The following IL1RAPL1 variants were observed in gnomAD, a reference collection of about 807,000 sequenced individuals.
IL1RAPL1 encodes the protein interleukin-1 receptor accessory protein-like 1.
Under a neutral mutation model 48.4 loss-of-function variants are expected in IL1RAPL1, and 3 were observed. The observed-to-expected ratio is 0.06, with a 90% CI of 0.03 to 0.16. The LOEUF (loss-of-function observed/expected upper bound fraction) is 0.16. Among genes scored for constraint, IL1RAPL1 ranks in the 10% least tolerant of loss-of-function variants. The pLI, the probability that IL1RAPL1 is intolerant of heterozygous loss-of-function variation, is 1.00. For synonymous variants in IL1RAPL1, 185 were observed against 187.7 expected (o/e 0.99, Z 0.12); for missense variants, 349 against 530.6 (o/e 0.66, Z 3.36).
At chrX:29,900,341 A>ATATT (rs1361865487) in intron 6 of IL1RAPL1, among the ~76,000 whole-genome samples, 2 of 112,538 alleles carry the variant, frequency 1.8e-5, no homozygotes, top group Non-Finnish European at 3.7e-5. Context: ...ATTACAATTT[A>ATATT]TATTTTTAAA....
At chrX:29,146,956 TC>T (rs777972157) in intron 2 of IL1RAPL1, among the ~76,000 whole-genome samples, 20 of 112,483 alleles carry the variant, frequency 1.8e-4, no homozygotes, top group Non-Finnish European at 3.4e-4. Context: ...CCTATCATCT[TC>T]AGTTCTACTT....
chrX:29,178,788 G>A (rs1306518347), intron 2 of IL1RAPL1, among the ~76,000 whole-genome samples: 2 of 111,788 alleles, frequency 1.8e-5, no homozygotes, highest in Non-Finnish European at 3.8e-5. Flanking sequence ...TGTAAGGAAG[G>A]GATCCAGTTT....
rs779743451 is a variant in IL1RAPL1, at chrX:29,928,855, C to T, written c.1057+8761C>T. Among the ~76,000 whole-genome samples the T allele has an allele frequency of 1.7e-4, 19 of 111,558 alleles. No homozygotes were observed. In the South Asian group the frequency reaches 3.0e-3, roughly 18 times the overall value. On this transcript the variant is annotated intron_variant, in intron 8 of 10. Transcript: ENST00000378993. ...CAGTAAAGTGAGAAATTAGACATGA[C>T]GCATACAAAAATGCTAACTACTATC...
At chrX:29,175,128 TCTTAA>T (rs1317685555) in intron 2 of IL1RAPL1, among the ~76,000 whole-genome samples, 8 of 100,278 alleles carry the variant, frequency 8.0e-5, no homozygotes, top group Non-Finnish European at 1.6e-4. Flanking sequence ...GATCCAGGAG[TCTTAA>T]CTTTGTATAC....
At chrX:29,278,939 G>A (rs2147597393) in intron 2 of IL1RAPL1, among the ~76,000 whole-genome samples, 1 of 112,173 alleles carries the variant, frequency 8.9e-6, no homozygotes, top group South Asian at 3.7e-4. Context: ...ACGTATTTGG[G>A]GATGAAATAT....
At chrX:29,317,746 T>A (rs1375589585) in intron 3 of IL1RAPL1, among the ~76,000 whole-genome samples, 1 of 112,214 alleles carries the variant, frequency 8.9e-6, no homozygotes, top group Non-Finnish European at 1.9e-5. Context: ...GCATTCACGT[T>A]TGTGTGGCTG....
intron 2 of IL1RAPL1, among the ~76,000 whole-genome samples, chrX:28,801,033 C>T (rs1290756072): frequency 9.1e-6 from 1 of 109,482 alleles, no homozygotes; most frequent in Admixed American, 9.8e-5. Flanking sequence ...AGGCACCCGC[C>T]ACCATGCCCA....
chrX:29,392,736 G>A (rs1056379724), intron 3 of IL1RAPL1, among the ~76,000 whole-genome samples: 9 of 111,926 alleles, frequency 8.0e-5, no homozygotes. Flanking sequence ...AGAAGAGAAA[G>A]AGGTGATGGC....
intron 2 of IL1RAPL1, among the ~76,000 whole-genome samples, chrX:29,228,111 A>G (rs1161116930): frequency 9.3e-6 from 1 of 107,058 alleles, no homozygotes; most frequent in Non-Finnish European, 1.9e-5. Context: ...GTCAGAAGCT[A>G]GAACCTTGCG....
At chrX:29,413,046 G>A (rs1338566463) in intron 5 of IL1RAPL1, among the ~76,000 whole-genome samples, 1 of 111,694 alleles carries the variant, frequency 9.0e-6, no homozygotes, top group Non-Finnish European at 1.9e-5. Context: ...GAGGGACCCC[G>A]TTAGAGGTAA....
At chrX:29,258,647 T>C (rs993137280) in intron 2 of IL1RAPL1, among the ~76,000 whole-genome samples, 1 of 110,630 alleles carries the variant, frequency 9.0e-6, no homozygotes, top group African/African-American at 3.3e-5. Flanking sequence ...GCACCCTGTT[T>C]CCAATCAAGC....
chrX:29,285,331 G>A (rs1045744115), intron 3 of IL1RAPL1, among the ~76,000 whole-genome samples: 2 of 108,198 alleles, frequency 1.8e-5, no homozygotes, highest in South Asian at 4.1e-4. Context: ...TTGGGAGTTC[G>A]AGACCAGCCT....
chrX:29,632,900 C>G (rs556971317), intron 5 of IL1RAPL1, among the ~76,000 whole-genome samples: 18 of 112,162 alleles, frequency 1.6e-4, no homozygotes, highest in Middle Eastern at 4.6e-3. Flanking sequence ...AGCAAGATAC[C>G]TAACCTTCAG....
chrX:29,239,354 AT>A (rs1295246391), intron 2 of IL1RAPL1, among the ~76,000 whole-genome samples: 2 of 112,566 alleles, frequency 1.8e-5, no homozygotes, highest in African/African-American at 3.2e-5. Flanking sequence ...AAAATATGAT[AT>A]TTTTTAAATG....
intron 2 of IL1RAPL1, among the ~76,000 whole-genome samples, chrX:28,925,098 A>G (rs2147339628): frequency 8.9e-6 from 1 of 111,984 alleles, no homozygotes; most frequent in East Asian, 2.8e-4. Context: ...TAATGTTCAC[A>G]TAAATATAGA....
At chrX:28,911,425 G>A (rs73208068) in intron 2 of IL1RAPL1, among the ~76,000 whole-genome samples, 1,405 of 110,624 alleles carry the variant, frequency 0.013, 14 homozygotes, top group Non-Finnish European at 0.019. Flanking sequence ...AAGGAGGGGC[G>A]GTGTGTCCTA....
intron 5 of IL1RAPL1, among the ~76,000 whole-genome samples, chrX:29,590,488 G>A (rs1923335119): frequency 8.9e-6 from 1 of 111,835 alleles, no homozygotes. Flanking sequence ...CCTTGCACAC[G>A]TGGAAGGGAG....
At chrX:29,304,974 T>G (rs1932595823) in intron 3 of IL1RAPL1, among the ~76,000 whole-genome samples, 2 of 112,192 alleles carry the variant, frequency 1.8e-5, no homozygotes, top group African/African-American at 6.5e-5. Context: ...TAAGAAGTAC[T>G]TATGATGTCT....
At chrX:29,738,152 C>T (rs1928097172) in intron 6 of IL1RAPL1, among the ~76,000 whole-genome samples, 1 of 111,900 alleles carries the variant, frequency 8.9e-6, no homozygotes, top group African/African-American at 3.2e-5. Context: ...GAATCAATTC[C>T]AGATCACAGA....
Sources: gnomAD v4.1 joint callset for allele counts (sites outside exome capture counted in the v4.1 genomes callset) on GRCh38, gnomAD v4.1.1 for gene constraint, MANE v1.5 for transcripts, NCBI Gene and HGNC (gene_info 2026-07-23, HGNC 2026-07-21) for gene names.